The following CHTF18 variants were observed in gnomAD, a reference collection of about 807,000 sequenced individuals.
CHTF18 encodes chromosome transmission fidelity protein 18 homolog.
A neutral mutation model predicts 113.4 loss-of-function variants in CHTF18; 151 were observed. That is an observed-to-expected ratio of 1.33 (90% CI 1.17 to 1.52). The LOEUF (loss-of-function observed/expected upper bound fraction) is 1.52. CHTF18 is among the 40% of genes most tolerant of loss of function. The pLI, the probability that CHTF18 is intolerant of heterozygous loss-of-function variation, is 0.00. For synonymous variants in CHTF18, 916 were observed against 598.8 expected (o/e 1.53, Z -7.74); for missense variants, 1,982 against 1,381.6 (o/e 1.43, Z -6.89).
intron 8 of CHTF18, 28 bp from the exon 9 acceptor site, chr16:791,823 A>G (rs775526821): frequency 2.2e-5 from 35 of 1,578,464 alleles, no homozygotes; most frequent in South Asian, 1.9e-4. Flanking sequence ...TGCGGTGCAC[A>G]CTACGCCTTC....
In CHTF18 at chr16:791,184, G is replaced by A. The variant is rs764651155; in HGVS notation, c.918G>A (p.Lys306=). Residue 306 remains lysine, a synonymous_variant, in exon 8 of 22, where the codon AAG becomes AAA. Transcript: ENST00000262315. ...AGTTCACCAACCGCTGCCTGCTCAA[G>A]TGGCTGAAGTTGTGGGACCTGGTGG... ...SDDFTNRCLL[K]WLKLWDLVVF... The A allele has an allele frequency of 2.5e-6, 4 of 1,611,566 alleles. No individual in the cohort carries two copies. The Admixed American group carries it at 5.0e-5, about 20-fold the overall frequency.
rs1462583026 is a variant in CHTF18, at chr16:797,054, C to T, written c.2695C>T (p.Leu899=). 1.9e-6 allele frequency: 3 copies of T among 1,556,824 alleles called. No individual in the cohort carries two copies. The highest frequency in any genetic ancestry group is 2.7e-5 in the African/African-American group (2 of 73,002). The part of the protein sequence containing the change: ...RPAPRNHEQR[L]EHIMRRAARE... Reference sequence around the variant, plus strand: ...TGCCCCACGCAACCATGAGCAGCGGCTGGAGCACATCATGAGGCGAGCGGC... The same window carrying T: ...TGCCCCACGCAACCATGAGCAGCGGTTGGAGCACATCATGAGGCGAGCGGC... The change falls in exon 20 of 22, where the codon CTG becomes TTG. Residue 899 remains leucine, a synonymous_variant. Coordinates refer to ENST00000262315, the MANE Select transcript of CHTF18 (RefSeq NM_022092.3).
chr16:790,297 G>A lies in CHTF18; in HGVS notation c.699+28G>A, dbSNP rs1280092141. 3.7e-6 allele frequency: 6 copies of A among 1,609,258 alleles called. No homozygotes were observed. The East Asian group carries it at 9.0e-5, about 24-fold the overall frequency. On this transcript the variant is annotated intron_variant, in intron 5 of 21. Coordinates refer to ENST00000262315, the MANE Select transcript of CHTF18 (RefSeq NM_022092.3). The stretch of plus-strand genomic sequence containing the variant: ...AGGGGCTGCGGGTTTGCTGGGGGGC[G>A]GTGGCGGGGCCGCCTGAGCCCTCCT...
Position 797,895 on chromosome 16 carries a change from A to G in CHTF18, c.2848A>G (p.Arg950Gly), listed in dbSNP as rs1218605096. 2 of 1,611,468 alleles carry G rather than the reference A, an allele frequency of 1.2e-6. No homozygotes were observed. The highest frequency in any genetic ancestry group is 1.1e-5 in the South Asian group (1 of 90,794). ...GCGGCGCATGGGCACAGCGGTGGGC[A>G]GGAGCGAGGTCTGGTTCCGCTTCAA... The part of the protein sequence containing the change: ...VERRMGTAVG[R>G]SEVWFRFNEG... The change falls in exon 22 of 22, where the codon AGG becomes GGG. Residue 950 changes from arginine (R) to glycine (G), a missense_variant. Coordinates refer to ENST00000262315, the MANE Select transcript of CHTF18 (RefSeq NM_022092.3).
chr16:792,890 C>A, intron 12 of CHTF18, 76 bp from the exon 13 acceptor site: 3 of 1,529,932 alleles, frequency 2.0e-6, no homozygotes, highest in Non-Finnish European at 2.6e-6. Flanking sequence ...TTTCCCTGCC[C>A]CTCCCCATGG....
chr16:794,719 G>C (rs1457800223), intron 15 of CHTF18: 2 of 242,526 alleles, frequency 8.2e-6, no homozygotes, highest in Non-Finnish European at 1.6e-5. Flanking sequence ...CAGCGGCGGG[G>C]ATAGACTCCC....
At chr16:790,771 A>C in intron 7 of CHTF18, 105 bp downstream of exon 7, 3 of 1,439,180 alleles carry the variant, frequency 2.1e-6, no homozygotes, top group Non-Finnish European at 2.7e-6. Context: ...GGCCTCGGAG[A>C]CGGAGTGGGC....
Position 797,881 on chromosome 16 carries a change from G to A in CHTF18, c.2834G>A (p.Gly945Asp), listed in dbSNP as rs1189911403. 1 of 1,610,180 alleles carries A rather than the reference G, an allele frequency of 6.2e-7. No individual in the cohort carries two copies. The highest frequency in any genetic ancestry group is 2.2e-5 in the East Asian group (1 of 44,818). Residue 945 changes from glycine to aspartate, a missense_variant, in exon 22 of 22, where the codon GGC (glycine) becomes GAC (aspartate). Transcript: ENST00000262315. Reference sequence around the variant, plus strand: ...CAGGACTCAGTGGAGCGGCGCATGGGCACAGCGGTGGGCAGGAGCGAGGTC... The same window carrying A: ...CAGGACTCAGTGGAGCGGCGCATGGACACAGCGGTGGGCAGGAGCGAGGTC... ...PEQDSVERRMGTAVGRSEVWF... is the reference protein window; with the variant it reads ...PEQDSVERRMDTAVGRSEVWF...
In CHTF18 at chr16:795,122, C is replaced by A. The variant is rs757351292; in HGVS notation, c.1951-10C>A. ...TGGGCAGGAGCTCAGGGGTTGCCGGCCGCCTGCAGGGCTTGTTTGACAACT... is the reference window on the plus strand; with the variant it reads ...TGGGCAGGAGCTCAGGGGTTGCCGGACGCCTGCAGGGCTTGTTTGACAACT... On this transcript the variant is annotated splice_polypyrimidine_tract_variant and intron_variant, in intron 15 of 21. Transcript: ENST00000262315. 45 of 1,537,986 alleles carry A rather than the reference C, an allele frequency of 2.9e-5. No individual in the cohort carries two copies. Among genetic ancestry groups the A allele is most frequent in the Admixed American group, 3.9e-5 (2 of 50,716 alleles).
In CHTF18 at chr16:792,263, G is replaced by A. The variant is rs367546786; in HGVS notation, c.1242G>A (p.Glu414=). The change falls in exon 10 of 22, where the codon GAG becomes GAA. Residue 414 remains glutamate (E), a synonymous_variant. Transcript: ENST00000262315. ...RSPEVFRTRI[E]AATQMESVLG... is the part of the protein sequence containing the mutation. ...CGGAGGTCTTCCGCACACGCATCGA[G>A]GCGGCCACCCAGATGGAGTCGGTGC... is the stretch of plus-strand genomic sequence containing the variant. 3 of 1,564,760 alleles carry A rather than the reference G, an allele frequency of 1.9e-6. No homozygotes were observed. Among genetic ancestry groups the A allele is most frequent in the East Asian group, 4.8e-5 (2 of 41,532 alleles).
intron 7 of CHTF18, chr16:790,875 G>A: frequency 7.0e-7 from 1 of 1,431,956 alleles, no homozygotes; most frequent in Non-Finnish European, 9.1e-7. Context: ...TAGGGGTCCA[G>A]GGTGTCACCT....
In CHTF18 at chr16:790,351, G is replaced by A. The variant is rs201557926; in HGVS notation, c.704G>A (p.Arg235Gln). The change falls in exon 6 of 22, where the codon CGG becomes CAG. Residue 235 changes from arginine to glutamine, a missense_variant. Physicochemically the swap from Arg to Gln is conservative, Grantham distance 43. Coordinates refer to ENST00000262315, the MANE Select transcript of CHTF18 (RefSeq NM_022092.3). Reference sequence around the variant, plus strand: ...TCCAGCCTGTTGTTTGCACAGCGGCGGGAGCGGCTGCTTCAGGAGGCCCAG... The same window carrying A: ...TCCAGCCTGTTGTTTGCACAGCGGCAGGAGCGGCTGCTTCAGGAGGCCCAG... ...SLKKQVDGER[R>Q]ERLLQEAQKL... 4.7e-5 allele frequency: 76 copies of A among 1,611,120 alleles called. 1 individual carries two copies. Among genetic ancestry groups the A allele is most frequent in the Non-Finnish European group, 5.9e-5 (69 of 1,179,430 alleles).
Position 797,017 on chromosome 16 carries a change from G to A in CHTF18, c.2658G>A (p.Gly886=), listed in dbSNP as rs765109403. ...EGLLGGIGEK[G]VHRPAPRNHE... ...TGCTGGGGGGCATTGGGGAGAAAGG[G>A]GTGCACCGACCTGCCCCACGCAACC... The change falls in exon 20 of 22, where the codon GGG becomes GGA. Residue 886 remains glycine, a synonymous_variant. Coordinates refer to ENST00000262315, the MANE Select transcript of CHTF18 (RefSeq NM_022092.3). The A allele has an allele frequency of 1.3e-6, 2 of 1,556,788 alleles. No homozygotes were observed. The highest frequency in any genetic ancestry group is 1.4e-5 in the African/African-American group (1 of 73,142).
rs2042116285 is a variant in CHTF18, at chr16:789,650, A to G, written c.541A>G (p.Thr181Ala). 3 of 1,605,952 alleles carry G rather than the reference A, an allele frequency of 1.9e-6. No homozygotes were observed. Among genetic ancestry groups the G allele is most frequent in the Admixed American group, 1.7e-5 (1 of 59,968 alleles). The part of the protein sequence containing the change: ...PPILEDYVHV[T>A]STEGVRAYLV... ...CATCTTGGAGGACTACGTCCACGTG[A>G]CATCCACGGAGGGCGTCCGGGCTTA... The change falls in exon 4 of 22, where the codon ACA (threonine) becomes GCA (alanine). Residue 181 changes from threonine (T) to alanine (A), a missense_variant. Coordinates refer to ENST00000262315, the MANE Select transcript of CHTF18 (RefSeq NM_022092.3).
rs777199332 is a variant in CHTF18 at position 795,961 on chromosome 16, G to A, written c.2340G>A (p.Leu780=). Residue 780 remains leucine, a synonymous_variant, in exon 18 of 22, where the codon CTG becomes CTA. Transcript: ENST00000262315. ...APKLRPVSTQ[L]YSTREKQQLA... ...CCATCCCCTAGGTGAGCACACAGCT[G>A]TACAGCACCCGTGAAAAGCAACAGC... 2.5e-6 allele frequency: 4 copies of A among 1,609,612 alleles called. 1 individual carries two copies. The highest frequency in any genetic ancestry group is 3.3e-4 in the Middle Eastern group (2 of 6,058).
At chr16:789,855 T>A in intron 4 of CHTF18, 140 bp downstream of exon 4, 2 of 1,325,476 alleles carry the variant, frequency 1.5e-6, no homozygotes, top group South Asian at 1.4e-5. Context: ...GGCTGCGTCA[T>A]GGGGCGTAGA....
chr16:794,883 C>T (rs1026303626), intron 15 of CHTF18: 125 of 523,794 alleles, frequency 2.4e-4, no homozygotes, highest in African/African-American at 2.3e-3. Flanking sequence ...TCAAGTCAGT[C>T]TCTGTCAAGC....
intron 18 of CHTF18, 129 bp from the exon 19 acceptor site, chr16:796,588 C>A (rs1462839788): frequency 1.7e-6 from 2 of 1,151,012 alleles, no homozygotes; most frequent in Non-Finnish European, 2.4e-6. Flanking sequence ...TGCGGTGGCA[C>A]CAGGACTCAG....
intron 7 of CHTF18, 107 bp downstream of exon 7, chr16:790,773 G>C (rs552994428): frequency 6.9e-7 from 1 of 1,438,928 alleles, no homozygotes; most frequent in Non-Finnish European, 9.1e-7. Context: ...CCTCGGAGAC[G>C]GAGTGGGCTC....
Sources: gnomAD v4.1 joint callset for allele counts on GRCh38, gnomAD v4.1.1 for gene constraint, MANE v1.5 for transcripts, NCBI Gene and HGNC (gene_info 2026-07-23, HGNC 2026-07-21) for gene names.